Variants in CCR3 observed in about 807,000 individuals in gnomAD.
CCR3 encodes the protein C-C chemokine receptor type 3.
For synonymous variants in CCR3, 203 were observed against 179.2 expected (o/e 1.13, Z -1.06); for missense variants, 419 against 437.5 (o/e 0.96, Z 0.38).
chr3:46,256,829 T>C (rs1469024432), intron 1 of CCR3, among the ~76,000 whole-genome samples: 1 of 152,150 alleles, frequency 6.6e-6, no homozygotes, highest in Non-Finnish European at 1.5e-5. Context: ...AGAATCATGA[T>C]GGGTCACCAC....
At chr3:46,221,683 T>TGGGTTGGAGTA (rs138732762) in intron 2 of CCR3, among the ~76,000 whole-genome samples, 10,213 of 152,232 alleles carry the variant, frequency 0.067, 551 homozygotes, top group South Asian at 0.26. Flanking sequence ...TTCTGCGGGG[T>TGGGTTGGAGTA]GGGCTATTTT....
At position 46,265,930 on chromosome 3, in the gene CCR3, G is replaced by GCT; in HGVS notation, c.773_774dup (p.Ile259LeufsTer28). On this transcript the variant is annotated frameshift_variant, in exon 2 of 2. Coordinates refer to ENST00000395940, the MANE Select transcript of CCR3 (RefSeq NM_178329.3). LOFTEE classifies it low-confidence loss of function (END_TRUNC). ...CATTTTCTGGACACCCTACAATGTG[G>GCT]CTATCCTTCTCTCTTCCTATCAATC... 6.2e-7 allele frequency: 1 copy of GCT among 1,614,106 alleles called. No individual in the cohort carries two copies. The highest frequency in any genetic ancestry group is 8.5e-7 in the Non-Finnish European group (1 of 1,180,004).
chr3:46,212,987 A>G (rs1699734731), intron 2 of CCR3, among the ~76,000 whole-genome samples: 1 of 152,242 alleles, frequency 6.6e-6, no homozygotes, highest in African/African-American at 2.4e-5. Context: ...ATAACAAAGC[A>G]ATGGACTCAA....
Position 46,233,115 on chromosome 3 carries a change from G to C in CCR3, c.-67-9287G>C, listed in dbSNP as rs186629191. Among the ~76,000 whole-genome samples, 4 of 152,380 alleles carry C rather than the reference G, an allele frequency of 2.6e-5. No individual in the cohort carries two copies. The East Asian group carries it at 7.7e-4, about 29-fold the overall frequency. On this transcript the variant is annotated intron_variant, in intron 2 of 3. Transcript: ENST00000357422. ...CAAAGTGCTGGGATTACTGGCGTGAGCCACTGCACCCGGCCCATAGTCCTT... is the reference window on the plus strand; with the variant it reads ...CAAAGTGCTGGGATTACTGGCGTGACCCACTGCACCCGGCCCATAGTCCTT...
chr3:46,214,048 A>G (rs1699746803), intron 2 of CCR3, among the ~76,000 whole-genome samples: 1 of 152,206 alleles, frequency 6.6e-6, no homozygotes, highest in Admixed American at 6.5e-5. Context: ...TCACACAACC[A>G]CAGTGACTAG....
intron 1 of CCR3, chr3:46,264,011 T>A (rs1700573558): frequency 5.5e-6 from 1 of 183,406 alleles, no homozygotes; most frequent in Non-Finnish European, 1.1e-5. Context: ...AGAAAGTCAG[T>A]TGGATGCCCT....
chr3:46,248,263 G>C (rs1221376351), intron 1 of CCR3, among the ~76,000 whole-genome samples: 1 of 152,166 alleles, frequency 6.6e-6, no homozygotes, highest in Non-Finnish European at 1.5e-5. Context: ...AGGAGCCAAG[G>C]AGCAGAAAGT....
At chr3:46,262,847 A>T (rs1700553094) in intron 1 of CCR3, among the ~76,000 whole-genome samples, 2 of 151,972 alleles carry the variant, frequency 1.3e-5, no homozygotes, top group Admixed American at 6.6e-5. Context: ...TAGAGATAGG[A>T]TCTCACTATA....
chr3:46,262,568 T>C (rs1034300993), intron 1 of CCR3, among the ~76,000 whole-genome samples: 1 of 152,200 alleles, frequency 6.6e-6, no homozygotes, highest in African/African-American at 2.4e-5. Flanking sequence ...CTCTTCACTA[T>C]TTTGTATCTA....
chr3:46,229,184 A>G (rs1699934912), intron 2 of CCR3, among the ~76,000 whole-genome samples: 1 of 152,192 alleles, frequency 6.6e-6, no homozygotes, highest in African/African-American at 2.4e-5. Context: ...CCCTTTCATG[A>G]ACATTCTTTC....
At chr3:46,243,580 G>A (rs1057348753) in intron 1 of CCR3, among the ~76,000 whole-genome samples, 3 of 152,142 alleles carry the variant, frequency 2.0e-5, no homozygotes, top group African/African-American at 7.2e-5. Context: ...GATTGACAGA[G>A]GATGAGTGTT....
chr3:46,249,196 G>T (rs1700258646), intron 1 of CCR3, among the ~76,000 whole-genome samples: 1 of 152,088 alleles, frequency 6.6e-6, no homozygotes, highest in East Asian at 1.9e-4. Context: ...GGAGGCTTTG[G>T]ATTGGGAAGA....
At chr3:46,226,777 C>CTCTT (rs1699902043) in intron 2 of CCR3, among the ~76,000 whole-genome samples, 1 of 151,998 alleles carries the variant, frequency 6.6e-6, no homozygotes, top group Non-Finnish European at 1.5e-5. Flanking sequence ...TTTCTCTAGA[C>CTCTT]TCTTTGTAAA....
At chr3:46,227,876 A>G (rs1699920201) in intron 2 of CCR3, among the ~76,000 whole-genome samples, 1 of 151,886 alleles carries the variant, frequency 6.6e-6, no homozygotes, top group African/African-American at 2.4e-5. Flanking sequence ...CTTTGGCTTG[A>G]GAACATACTT....
At chr3:46,233,676 T>A (rs1699992944) in intron 2 of CCR3, among the ~76,000 whole-genome samples, 1 of 152,076 alleles carries the variant, frequency 6.6e-6, no homozygotes, top group South Asian at 2.1e-4. Context: ...AAAAGAAGCA[T>A]CAAAAATTTC....
chr3:46,228,940 A>T (rs375278005), intron 2 of CCR3, among the ~76,000 whole-genome samples: 1 of 152,186 alleles, frequency 6.6e-6, no homozygotes, highest in Non-Finnish European at 1.5e-5. Flanking sequence ...TGTGCTTGCT[A>T]TTATCAAAAA....
upstream of CCR3, among the ~76,000 whole-genome samples, chr3:46,238,139 C>T (rs1015784067): frequency 1.5e-4 from 23 of 152,136 alleles, no homozygotes; most frequent in African/African-American, 4.1e-4. Context: ...AATTATAATG[C>T]GTTGTATAAT....
chr3:46,255,085 A>G (rs1700393646), intron 1 of CCR3, among the ~76,000 whole-genome samples: 1 of 151,704 alleles, frequency 6.6e-6, no homozygotes, highest in Non-Finnish European at 1.5e-5. Flanking sequence ...TATTATAGCC[A>G]TTCTTGCAAG....
At chr3:46,244,190 A>G (rs150613373) in intron 1 of CCR3, among the ~76,000 whole-genome samples, 27 of 152,388 alleles carry the variant, frequency 1.8e-4, no homozygotes, top group African/African-American at 6.5e-4. Context: ...ATAGCAGAGC[A>G]AATTGTGAAT....
Sources: allele counts gnomAD v4.1 joint callset (sites outside exome capture counted in the v4.1 genomes callset), GRCh38; gene constraint gnomAD v4.1.1; transcripts MANE v1.5; gene names NCBI Gene and HGNC (gene_info 2026-07-23, HGNC 2026-07-21).